MAGI2: variants seen among roughly 807,000 people sequenced by gnomAD.
The protein encoded by MAGI2 is membrane associated guanylate kinase, WW and PDZ domain containing 2.
A neutral mutation model predicts 133.3 loss-of-function variants in MAGI2; 35 were observed. The ratio of observed to expected loss-of-function variants is 0.26; its 90% CI spans 0.20 to 0.35. MAGI2 has a LOEUF of 0.35. MAGI2 is among the 10% of genes least tolerant of loss of function. The pLI is 1.00. For missense variants in MAGI2, 1,636 were observed against 1,863.4 expected (o/e 0.88, Z 2.25); for synonymous variants, 729 against 710.6 (o/e 1.03, Z -0.41).
intron 6 of MAGI2, among the ~76,000 whole-genome samples, chr7:78,453,542 C>T (rs10252237): frequency 0.67 from 101,972 of 152,050 alleles, 36,600 homozygotes; most frequent in Non-Finnish European, 0.79. Context: ...TCTGTATGTG[C>T]CCTCAGGTGA....
At chr7:79,013,117 T>G (rs898494472) in intron 1 of MAGI2, among the ~76,000 whole-genome samples, 2 of 152,134 alleles carry the variant, frequency 1.3e-5, no homozygotes. Flanking sequence ...AGGTCTAAAT[T>G]TTATGCTTCC....
chr7:78,069,539 G>GGAGA (rs3840607), intron 21 of MAGI2, among the ~76,000 whole-genome samples: 4,666 of 134,640 alleles, frequency 0.035, 88 homozygotes, highest in Middle Eastern at 0.052. Context: ...GAAAGAGAGA[G>GGAGA]GAGAGAGAGA....
intron 2 of MAGI2, 37 bp downstream of exon 2, chr7:79,007,053 T>C: frequency 7.2e-7 from 1 of 1,381,850 alleles, no homozygotes; most frequent in Admixed American, 2.2e-5. Context: ...CATTTATCTC[T>C]CAACATAAAA....
intron 9 of MAGI2, among the ~76,000 whole-genome samples, chr7:78,322,885 A>G (rs1201611338): frequency 6.6e-6 from 1 of 152,130 alleles, no homozygotes; most frequent in Non-Finnish European, 1.5e-5. Flanking sequence ...GGAAATATAT[A>G]CATATATATA....
At chr7:78,414,683 G>A (rs1277771389) in intron 6 of MAGI2, among the ~76,000 whole-genome samples, 1 of 151,882 alleles carries the variant, frequency 6.6e-6, no homozygotes. Flanking sequence ...CCTTCTTTTA[G>A]CTTAGAAGAG....
At chr7:79,395,484 A>T (rs1383091401) in intron 1 of MAGI2, among the ~76,000 whole-genome samples, 2 of 152,188 alleles carry the variant, frequency 1.3e-5, no homozygotes, top group African/African-American at 4.8e-5. Flanking sequence ...GCAAATTCTT[A>T]TAACTGTGTC....
chr7:79,028,258 T>G (rs1166314515), intron 1 of MAGI2, among the ~76,000 whole-genome samples: 1 of 21,970 alleles, frequency 4.6e-5, no homozygotes, highest in Non-Finnish European at 1.1e-4. Context: ...TATATATATA[T>G]ATATATATAT....
chr7:78,457,192 T>G (rs967045246), intron 6 of MAGI2, among the ~76,000 whole-genome samples: 3 of 152,212 alleles, frequency 2.0e-5, no homozygotes, highest in African/African-American at 7.2e-5. Flanking sequence ...GTTGGTTACT[T>G]GTAGCAATTG....
At chr7:78,434,633 C>T (rs1399107788) in intron 6 of MAGI2, among the ~76,000 whole-genome samples, 1 of 152,066 alleles carries the variant, frequency 6.6e-6, no homozygotes, top group Non-Finnish European at 1.5e-5. Flanking sequence ...TATCCTTTTA[C>T]CCTCACATAA....
chr7:78,650,440 G>A (rs1334139791), intron 2 of MAGI2, among the ~76,000 whole-genome samples: 1 of 152,130 alleles, frequency 6.6e-6, no homozygotes, highest in Non-Finnish European at 1.5e-5. Context: ...AGGGTCCCAT[G>A]TGTCATTTCC....
intron 6 of MAGI2, among the ~76,000 whole-genome samples, chr7:78,436,977 T>C (rs527243794): frequency 6.6e-6 from 1 of 152,246 alleles, no homozygotes; most frequent in East Asian, 1.9e-4. Context: ...CCAGCAGTAC[T>C]CTCTAAGGCT....
intron 9 of MAGI2, among the ~76,000 whole-genome samples, chr7:78,287,491 T>C (rs772906301): frequency 2.6e-5 from 4 of 152,178 alleles, no homozygotes; most frequent in Non-Finnish European, 5.9e-5. Context: ...ACAGACAATC[T>C]CTGTGACACG....
intron 2 of MAGI2, among the ~76,000 whole-genome samples, chr7:78,651,274 A>G (rs1811529740): frequency 6.6e-6 from 1 of 151,774 alleles, no homozygotes; most frequent in Non-Finnish European, 1.5e-5. Flanking sequence ...CACAAAATAT[A>G]AACACAGATA....
intron 2 of MAGI2, among the ~76,000 whole-genome samples, chr7:78,883,379 T>C (rs950385582): frequency 2.0e-5 from 3 of 151,876 alleles, no homozygotes; most frequent in African/African-American, 7.3e-5. Context: ...AAATCAGAGA[T>C]AACACAAATA....
At chr7:79,076,819 T>C (rs1372788362) in intron 1 of MAGI2, among the ~76,000 whole-genome samples, 1 of 152,202 alleles carries the variant, frequency 6.6e-6, no homozygotes, top group East Asian at 1.9e-4. Flanking sequence ...TAAAATATTG[T>C]GGTGGACATT....
chr7:78,017,627 A>T lies in MAGI2; in HGVS notation c.*1688T>A, dbSNP rs1463134331. ...CTTTTGTTTACGATGAATGGGTTTCATTTTTGGAAATTGCTTTTACAAGCT... is the reference window on the plus strand; with the variant it reads ...CTTTTGTTTACGATGAATGGGTTTCTTTTTTGGAAATTGCTTTTACAAGCT... On this transcript the variant is annotated 3_prime_UTR_variant, in exon 22 of 22. Coordinates refer to ENST00000354212, the MANE Select transcript of MAGI2 (RefSeq NM_012301.4). The T allele has an allele frequency of 2.0e-5, 3 of 152,638 alleles. No individual in the cohort carries two copies. The highest frequency in any genetic ancestry group is 3.8e-4 in the East Asian group (2 of 5,200). The allele number at this position is 152,638 out of a possible 1,614,324, so 9.5% of individuals were successfully genotyped here. A position where few individuals can be genotyped will look rare whatever the true frequency, so the allele number is the denominator to read the frequency against.
intron 1 of MAGI2, among the ~76,000 whole-genome samples, chr7:79,140,913 T>C (rs1420409693): frequency 1.3e-5 from 2 of 152,198 alleles, no homozygotes; most frequent in Admixed American, 1.3e-4. Flanking sequence ...TTAAGAATAT[T>C]AAGTCCTTTG....
chr7:78,323,334 G>T (rs982152950), intron 9 of MAGI2, among the ~76,000 whole-genome samples: 13 of 152,168 alleles, frequency 8.5e-5, no homozygotes, highest in Non-Finnish European at 1.9e-4. Context: ...GTGAGCAAAG[G>T]ACATTCATAC....
chr7:79,082,062 A>G (rs752548378), intron 1 of MAGI2, among the ~76,000 whole-genome samples: 1 of 151,976 alleles, frequency 6.6e-6, no homozygotes, highest in Non-Finnish European at 1.5e-5. Context: ...TTGTTAATTG[A>G]GTTACATGTC....
Sources: gnomAD v4.1 joint callset for allele counts (sites outside exome capture counted in the v4.1 genomes callset) on GRCh38, gnomAD v4.1.1 for gene constraint, MANE v1.5 for transcripts, NCBI Gene and HGNC (gene_info 2026-07-23, HGNC 2026-07-21) for gene names.